CACNA1H: variants seen among roughly 807,000 people sequenced by gnomAD.
CACNA1H encodes the protein voltage-dependent T-type calcium channel subunit alpha-1H.
In CACNA1H, 149 loss-of-function variants were observed where a neutral mutation model predicts 192.5. The ratio of observed to expected loss-of-function variants is 0.77; its 90% CI spans 0.68 to 0.89. CACNA1H has a LOEUF of 0.89. Ranked by LOEUF, CACNA1H falls within the 40% of genes least tolerant of loss-of-function variation. The probability of loss-of-function intolerance (pLI) is 0.00; values close to 1 mark genes in which losing one functional copy is unlikely to be tolerated. For missense variants in CACNA1H, 4,257 were observed against 3,423.5 expected (o/e 1.24, Z -6.08); for synonymous variants, 2,202 against 1,475.2 (o/e 1.49, Z -11.29).
intron 27 of CACNA1H, among the ~76,000 whole-genome samples, chr16:1,214,399 GT>G (rs1969824120): frequency 6.6e-6 from 1 of 152,340 alleles, no homozygotes; most frequent in African/African-American, 2.4e-5. Context: ...TATGGAAAGC[GT>G]TTTGTGTGGA....
chr16:1,211,019 CCT>C, intron 21 of CACNA1H, 48 bp downstream of exon 21: 3 of 1,571,798 alleles, frequency 1.9e-6, no homozygotes, highest in Non-Finnish European at 2.6e-6. Flanking sequence ...AGCACAGTCC[CCT>C]GACGCCACTG....
chr16:1,200,135 C>T (rs1273662298), intron 6 of CACNA1H, 121 bp from the exon 7 acceptor site: 5 of 794,186 alleles, frequency 6.3e-6, no homozygotes, highest in Non-Finnish European at 9.9e-6. Context: ...GATTAGTCCA[C>T]TGGCCCTGAC....
intron 17 of CACNA1H, 138 bp downstream of exon 17, chr16:1,209,550 CA>C (rs1187552372): frequency 4.7e-6 from 5 of 1,055,604 alleles, no homozygotes; most frequent in Non-Finnish European, 6.8e-6. Context: ...CAGGCCAGGC[CA>C]GGGAGGAATC....
At position 1,210,076 on chromosome 16, in the gene CACNA1H, G is replaced by T. The variant is rs189425202; in HGVS notation, c.3786G>T (p.Lys1262Asn). ...LRLHKVLEPY[K>N]PQWCRSREAW... is the part of the protein sequence containing the mutation. ...TGCATAAAGTGCTGGAGCCCTACAA[G>T]CCCCAGTGGTGCCGGAGCCGCGAGG... is the stretch of plus-strand genomic sequence containing the variant. The change falls in exon 18 of 35, where the codon AAG (lysine) becomes AAT (asparagine). Residue 1262 changes from lysine to asparagine, a missense_variant. Lys to Asn is a moderately conservative substitution (Grantham distance 94). Coordinates refer to ENST00000348261, the MANE Select transcript of CACNA1H (RefSeq NM_021098.3). 4 of 1,558,608 alleles carry T rather than the reference G, an allele frequency of 2.6e-6. No individual in the cohort carries two copies. Among genetic ancestry groups the T allele is most frequent in the African/African-American group, 2.7e-5 (2 of 73,362 alleles).
chr16:1,173,497 A>T (rs1026255526), intron 2 of CACNA1H, among the ~76,000 whole-genome samples: 1 of 152,256 alleles, frequency 6.6e-6, no homozygotes, highest in African/African-American at 2.4e-5. Context: ...AACATGAAAA[A>T]TTTTAAAAAA....
intron 17 of CACNA1H, 91 bp downstream of exon 17, chr16:1,209,503 G>A (rs777473029): frequency 6.4e-5 from 96 of 1,494,796 alleles, no homozygotes; most frequent in South Asian, 1.3e-4. Context: ...GATTCAGGGC[G>A]TGTTGTTGAC....
At chr16:1,194,859 C>G (rs982995792) in intron 2 of CACNA1H, 113 bp from the exon 3 acceptor site, 2 of 769,790 alleles carry the variant, frequency 2.6e-6, no homozygotes, top group East Asian at 2.6e-5. Context: ...TCCTGGACAC[C>G]CCCACGCGCG....
At chr16:1,185,638 C>T (rs79839708) in intron 2 of CACNA1H, among the ~76,000 whole-genome samples, 4,009 of 10,212 alleles carry the variant, frequency 0.39, 452 homozygotes, top group South Asian at 0.55. Flanking sequence ...GGGGGGCGGG[C>T]GAGTAGACGG....
Position 1,189,439 on chromosome 16 carries a change from T to C in CACNA1H, c.300-5533T>C, listed in dbSNP as rs1323704995. Among the ~76,000 whole-genome samples the C allele has an allele frequency of 2.4e-5, 3 of 126,648 alleles. No individual in the cohort carries two copies. The East Asian group carries it at 7.3e-4, about 31-fold the overall frequency. 83.1% of individuals were successfully genotyped at this position (126,648 alleles called of 152,430 possible). A position where few individuals can be genotyped will look rare whatever the true frequency, so the allele number is the denominator to read the frequency against. ...TTTTTTTTTTTTTTTTTTTTTGATA[T>C]GGGGTCTTGCTCCGTCACCCAGCCT... On this transcript the variant is annotated intron_variant, in intron 2 of 34. Coordinates refer to ENST00000348261, the MANE Select transcript of CACNA1H (RefSeq NM_021098.3).
In CACNA1H at chr16:1,218,003, G is replaced by A. The variant is rs750373293; in HGVS notation, c.5408G>A (p.Arg1803His). 3.1e-6 allele frequency: 5 copies of A among 1,601,580 alleles called. No individual in the cohort carries two copies. The highest frequency in any genetic ancestry group is 3.4e-6 in the Non-Finnish European group (4 of 1,174,756). ...GGCATGGCCTTCCTCACGCTGTTCCGCGTGTCCACGGGGGACAACTGGAAC... is the reference window on the plus strand; with the variant it reads ...GGCATGGCCTTCCTCACGCTGTTCCACGTGTCCACGGGGGACAACTGGAAC... ...NFGMAFLTLF[R>H]VSTGDNWNGI... Residue 1803 changes from arginine (R) to histidine (H), a missense_variant, in exon 32 of 35, where the codon CGC becomes CAC. Physicochemically the swap from Arg to His is conservative, Grantham distance 29 (BLOSUM62 0). Coordinates refer to ENST00000348261, the MANE Select transcript of CACNA1H (RefSeq NM_021098.3).
intron 2 of CACNA1H, chr16:1,159,892 CA>C (rs1176668851): frequency 6.6e-6 from 1 of 152,300 alleles, no homozygotes; most frequent in Non-Finnish European, 1.5e-5. Flanking sequence ...GTGGAACGCT[CA>C]GGGGTGGTTC....
At chr16:1,185,277 A>G (rs946154556) in intron 2 of CACNA1H, among the ~76,000 whole-genome samples, 2 of 152,116 alleles carry the variant, frequency 1.3e-5, no homozygotes, top group Non-Finnish European at 2.9e-5. Flanking sequence ...GGCTGTTTCC[A>G]TCACAGGCCA....
At position 1,175,157 on chromosome 16, in the gene CACNA1H, C is replaced by T. The variant is rs1327628021; in HGVS notation, c.300-19815C>T. On this transcript the variant is annotated intron_variant, in intron 2 of 34. Coordinates refer to ENST00000348261, the MANE Select transcript of CACNA1H (RefSeq NM_021098.3). ...CTGCCCCACGTAATGCCCTACTGTG[C>T]GCGCGGGCCAACGCCCACTGCCCCA... Among the ~76,000 whole-genome samples the T allele has an allele frequency of 7.9e-5, 12 of 152,198 alleles. No homozygotes were observed. In the East Asian group the frequency reaches 2.1e-3, roughly 27 times the overall value.
chr16:1,166,591 C>A (rs1454534516), intron 2 of CACNA1H, among the ~76,000 whole-genome samples: 2 of 152,170 alleles, frequency 1.3e-5, no homozygotes, highest in African/African-American at 4.8e-5. Flanking sequence ...TTCCTCGCCC[C>A]GAGAGGAAAC....
intron 2 of CACNA1H, among the ~76,000 whole-genome samples, chr16:1,187,971 C>T (rs1212239864): frequency 6.6e-6 from 1 of 152,220 alleles, no homozygotes; most frequent in Non-Finnish European, 1.5e-5. Flanking sequence ...CCAGGCCGAG[C>T]CGTGTCAGTC....
chr16:1,200,163 CCTTGATCACGTCCCTGAT>C, intron 6 of CACNA1H, 75 bp from the exon 7 acceptor site: 9 of 1,025,056 alleles, frequency 8.8e-6, no homozygotes, highest in Non-Finnish European at 1.1e-5. Context: ...ACGTCCCTGA[CCTTGATCACGTCCCTGAT>C]CACAATCGTG....
intron 22 of CACNA1H, 70 bp from the exon 23 acceptor site, chr16:1,211,411 C>G: frequency 2.3e-5 from 37 of 1,606,884 alleles, no homozygotes; most frequent in Non-Finnish European, 3.0e-5. Flanking sequence ...GCCTCACTCG[C>G]GCCCCAGGAA....
At chr16:1,195,141 C>G in intron 3 of CACNA1H, 58 bp downstream of exon 3, 2 of 890,830 alleles carry the variant, frequency 2.2e-6, no homozygotes, top group Non-Finnish European at 3.4e-6. Flanking sequence ...GTTTATGGTT[C>G]AAGGCGGAGT....
intron 34 of CACNA1H, 73 bp from the exon 35 acceptor site, chr16:1,219,908 G>A (rs1188407495): frequency 2.6e-6 from 3 of 1,162,110 alleles, no homozygotes; most frequent in South Asian, 3.9e-5. Flanking sequence ...GATGGTGAGG[G>A]GTCTCCGAGC....
Sources: allele counts gnomAD v4.1 joint callset (sites outside exome capture counted in the v4.1 genomes callset), GRCh38; gene constraint gnomAD v4.1.1; transcripts MANE v1.5; gene names NCBI Gene and HGNC (gene_info 2026-07-23, HGNC 2026-07-21).